Variants in POLE4 observed in about 807,000 individuals in gnomAD.
POLE4 encodes the protein DNA polymerase epsilon subunit 4.
A neutral mutation model predicts 15.6 loss-of-function variants in POLE4; 15 were observed. That is an observed-to-expected ratio of 0.96 (90% CI 0.64 to 1.48). The LOEUF is 1.48. Ranked by LOEUF, POLE4 falls within the 40% of genes most tolerant of loss-of-function variation. POLE4 has a pLI of 0.00. For synonymous variants in POLE4, 83 were observed against 63.2 expected, an observed-to-expected ratio of 1.31 and a Z score of -1.49; for missense variants, 205 against 151.9, an observed-to-expected ratio of 1.35 and a Z score of -1.84.
rs1372623938 is a variant in POLE4, at chr2:74,969,666, G to C, written c.*244G>C. 1.8e-6 allele frequency: 1 copy of C among 558,096 alleles called. No homozygotes were observed. The highest frequency in any genetic ancestry group is 3.2e-6 in the Non-Finnish European group (1 of 310,126). The allele number at this position is 558,096 out of a possible 1,614,324, so 34.6% of individuals were successfully genotyped here. A position where few individuals can be genotyped will look rare whatever the true frequency, so the allele number is the denominator to read the frequency against. On this transcript the variant is annotated 3_prime_UTR_variant, in exon 4 of 4. Transcript: ENST00000483063. ...TGCTGCTGCTTAGAGCAGAGATGAA[G>C]AAAGTGTTCTGCATAAGTGGCTTCC...
intron 3 of POLE4, chr2:74,961,643 A>T (rs746896930): frequency 1.3e-5 from 2 of 152,180 alleles, no homozygotes; most frequent in African/African-American, 4.8e-5. Context: ...GGGTGGTCTT[A>T]TGTAGTTTTC....
In POLE4 at chr2:74,969,506, G is replaced by C; in HGVS notation, c.*84G>C. 8.1e-7 allele frequency: 1 copy of C among 1,231,432 alleles called. No individual in the cohort carries two copies. The highest frequency in any genetic ancestry group is 1.2e-5 in the South Asian group (1 of 83,454). The allele number at this position is 1,231,432 out of a possible 1,614,324, so 76.3% of individuals were successfully genotyped here. A position where few individuals can be genotyped will look rare whatever the true frequency, so the allele number is the denominator to read the frequency against. ...ACAGGCCTCAGCTTTGAAGAACGGA[G>C]TCTTTGCACTTACACACACTCTTCC... On this transcript the variant is annotated 3_prime_UTR_variant, in exon 4 of 4. Transcript: ENST00000483063.
In POLE4 at chr2:74,966,084, GATT is replaced by G. The variant is rs370015980; in HGVS notation, c.341-3318_341-3316del. Among the ~76,000 whole-genome samples the G allele has an allele frequency of 7.5e-4, 113 of 150,496 alleles. 1 individual carries two copies. The East Asian group carries it at 0.019, about 26-fold the overall frequency. On this transcript the variant is annotated intron_variant, in intron 3 of 3. Coordinates refer to ENST00000483063, the MANE Select transcript of POLE4 (RefSeq NM_019896.4). ...TCTCTCAATTTTTGGCCTTCTTTTGGATTATTATTTGATTTTTTTCCCTCTATC... is the reference window on the plus strand; with the variant it reads ...TCTCTCAATTTTTGGCCTTCTTTTGGATTATTTGATTTTTTTCCCTCTATC...
chr2:74,958,648 C>T lies in POLE4; in HGVS notation c.-32C>T. 3 of 1,393,014 alleles carry T rather than the reference C, an allele frequency of 2.2e-6. No individual in the cohort carries two copies. Among genetic ancestry groups the T allele is most frequent in the South Asian group, 1.7e-5 (1 of 60,244 alleles). 86.3% of individuals were successfully genotyped at this position (1,393,014 alleles called of 1,614,324 possible). ...CCTGCGCCGCATGCGCGCGCACAGT[C>T]GGCGGCCGCGCGCAGCACGCTCAAG... On this transcript the variant is annotated 5_prime_UTR_variant, in exon 1 of 4. Coordinates refer to ENST00000483063, the MANE Select transcript of POLE4 (RefSeq NM_019896.4).
chr2:74,958,673 G>A lies in POLE4; in HGVS notation c.-7G>A, dbSNP rs373028668. On this transcript the variant is annotated 5_prime_UTR_variant, in exon 1 of 4. Coordinates refer to ENST00000483063, the MANE Select transcript of POLE4 (RefSeq NM_019896.4). ...CGGCGGCCGCGCGCAGCACGCTCAA[G>A]GCCGGGATGGCGGCGGCGGCGGCGG... 11,210 of 1,450,332 alleles carry A rather than the reference G, an allele frequency of 7.7e-3. 45 individuals are homozygous for A. The highest frequency in any genetic ancestry group is 9.4e-3 in the Non-Finnish European group (10,401 of 1,107,924). 89.8% of individuals were successfully genotyped at this position (1,450,332 alleles called of 1,614,324 possible).
At chr2:74,960,711 C>T (rs552419802) in intron 3 of POLE4, 1 of 427,482 alleles carries the variant, frequency 2.3e-6, no homozygotes, top group East Asian at 7.0e-5. Flanking sequence ...TCAGTCTGAT[C>T]AGCTTACTCT....
intron 3 of POLE4, among the ~76,000 whole-genome samples, chr2:74,967,379 T>C (rs912424023): frequency 9.2e-5 from 14 of 151,974 alleles, no homozygotes; most frequent in African/African-American, 2.9e-4. Context: ...TTCTGTTTGG[T>C]TCCTTTCCAA....
intron 1 of POLE4, 133 bp from the exon 2 acceptor site, chr2:74,959,208 C>G (rs2103671232): frequency 3.1e-6 from 2 of 641,640 alleles, no homozygotes; most frequent in Non-Finnish European, 2.8e-6. Context: ...AAGTCCAGGA[C>G]AATCTTAGCT....
At chr2:74,960,469 T>C (rs543431302) in intron 3 of POLE4, 1 of 467,732 alleles carries the variant, frequency 2.1e-6, no homozygotes, top group Non-Finnish European at 4.1e-6. Flanking sequence ...CCCCTCATCA[T>C]GTTACAGATC....
At chr2:74,960,502 A>C in intron 3 of POLE4, 2 of 466,042 alleles carry the variant, frequency 4.3e-6, no homozygotes, top group Non-Finnish European at 8.5e-6. Flanking sequence ...TAACATTTAA[A>C]GGGTCACCGC....
Position 74,969,499 on chromosome 2 carries a change from GA to G in POLE4, c.*79del. ...CCTCTGCACAGGCCTCAGCTTTGAA[GA>G]ACGGAGTCTTTGCACTTACACACAC... On this transcript the variant is annotated 3_prime_UTR_variant, in exon 4 of 4. Transcript: ENST00000483063. 1.5e-6 allele frequency: 2 copies of G among 1,344,076 alleles called. No individual in the cohort carries two copies. Among genetic ancestry groups the G allele is most frequent in the Non-Finnish European group, 1.1e-6 (1 of 933,454 alleles). 83.3% of individuals were successfully genotyped at this position (1,344,076 alleles called of 1,614,324 possible).
At chr2:74,968,107 G>A (rs1671320575) in intron 3 of POLE4, among the ~76,000 whole-genome samples, 1 of 152,148 alleles carries the variant, frequency 6.6e-6, no homozygotes, top group African/African-American at 2.4e-5. Flanking sequence ...GGTTTGTTTT[G>A]TGTTCTTACT....
intron 3 of POLE4, among the ~76,000 whole-genome samples, chr2:74,968,579 C>T (rs1256884717): frequency 6.6e-6 from 1 of 150,602 alleles, no homozygotes; most frequent in African/African-American, 2.4e-5. Flanking sequence ...TTCTAGTTTT[C>T]TCCATATAGT....
rs962484216 is a variant in POLE4, at chr2:74,958,677, G to C, written c.-3G>C. 3.4e-5 allele frequency: 49 copies of C among 1,454,116 alleles called. No individual in the cohort carries two copies. Among genetic ancestry groups the C allele is most frequent in the Non-Finnish European group, 4.2e-5 (47 of 1,109,456 alleles). 90.1% of individuals were successfully genotyped at this position (1,454,116 alleles called of 1,614,324 possible). On this transcript the variant is annotated 5_prime_UTR_variant, in exon 1 of 4. Transcript: ENST00000483063. Reference sequence around the variant, plus strand: ...GGCCGCGCGCAGCACGCTCAAGGCCGGGATGGCGGCGGCGGCGGCGGCAGG... The same window carrying C: ...GGCCGCGCGCAGCACGCTCAAGGCCCGGATGGCGGCGGCGGCGGCGGCAGG...
chr2:74,961,943 A>G (rs1439116841), intron 3 of POLE4, among the ~76,000 whole-genome samples: 1 of 152,188 alleles, frequency 6.6e-6, no homozygotes, highest in Non-Finnish European at 1.5e-5. Context: ...ATACATATCC[A>G]TACTTGAAAA....
intron 3 of POLE4, among the ~76,000 whole-genome samples, chr2:74,964,686 T>A (rs954599966): frequency 3.3e-5 from 5 of 152,144 alleles, no homozygotes; most frequent in African/African-American, 1.2e-4. Context: ...TTATTCTTAG[T>A]TTTTTTACTT....
At chr2:74,959,059 T>A in intron 1 of POLE4, 167 bp downstream of exon 1, 1 of 643,636 alleles carries the variant, frequency 1.6e-6, no homozygotes. Flanking sequence ...CGAGTTTTGT[T>A]AACACTCCTC....
intron 3 of POLE4, among the ~76,000 whole-genome samples, chr2:74,968,724 C>T (rs539247197): frequency 6.6e-6 from 1 of 151,444 alleles, no homozygotes; most frequent in East Asian, 2.0e-4. Flanking sequence ...GTTTGTCATA[C>T]AGACCCTCTG....
chr2:74,958,815 G>A lies in POLE4; in HGVS notation c.136G>A (p.Val46Met). 2 of 1,557,326 alleles carry A rather than the reference G, an allele frequency of 1.3e-6. No homozygotes were observed. Among genetic ancestry groups the A allele is most frequent in the Non-Finnish European group, 1.7e-6 (2 of 1,150,520 alleles). ...ARLSRLPLAR[V>M]KALVKADPDV... is the part of the protein sequence containing the mutation. ...TCTCTCGAGGTTGCCTCTGGCGCGA[G>A]TGAAGGCCTTGGTGAAGGCAGATCC... The change falls in exon 1 of 4, where the codon GTG becomes ATG. Residue 46 changes from valine to methionine, a missense_variant. Transcript: ENST00000483063.
Sources: gnomAD v4.1 joint callset for allele counts (sites outside exome capture counted in the v4.1 genomes callset) on GRCh38, gnomAD v4.1.1 for gene constraint, MANE v1.5 for transcripts, NCBI Gene and HGNC (gene_info 2026-07-23, HGNC 2026-07-21) for gene names.